Variants in CDH18 observed in about 807,000 individuals in gnomAD.
The protein encoded by CDH18 is cadherin-18.
Under a neutral mutation model 67.9 loss-of-function variants are expected in CDH18, and 31 were observed. The ratio of observed to expected loss-of-function variants is 0.46; its 90% CI spans 0.34 to 0.62. The LOEUF (loss-of-function observed/expected upper bound fraction) is 0.62, where lower values mean the gene tolerates loss of function less well. CDH18 is among the 20% of genes least tolerant of loss of function. The probability of loss-of-function intolerance (pLI) is 0.01; values close to 1 mark genes in which losing one functional copy is unlikely to be tolerated. For synonymous variants in CDH18, 362 were observed against 347.2 expected (o/e 1.04, Z -0.48); for missense variants, 890 against 975.5 (o/e 0.91, Z 1.17).
intron 2 of CDH18, among the ~76,000 whole-genome samples, chr5:19,882,907 A>C (rs1255867507): frequency 1.3e-5 from 2 of 152,188 alleles, no homozygotes; most frequent in Non-Finnish European, 2.9e-5. Context: ...CTTTGGATGC[A>C]TTTTTGTTAT....
chr5:19,638,984 T>G (rs1580643101), intron 5 of CDH18, among the ~76,000 whole-genome samples: 1 of 77,508 alleles, frequency 1.3e-5, no homozygotes, highest in African/African-American at 5.4e-5. Flanking sequence ...GCTGTTTTTT[T>G]TTTTTTTTTT....
chr5:19,536,355 C>A (rs531965603), intron 9 of CDH18, among the ~76,000 whole-genome samples: 2 of 152,046 alleles, frequency 1.3e-5, no homozygotes, highest in Non-Finnish European at 2.9e-5. Context: ...GAAAGCAGAG[C>A]AAAATGAAAA....
intron 10 of CDH18, among the ~76,000 whole-genome samples, chr5:19,512,305 A>G (rs1433025230): frequency 6.6e-6 from 1 of 152,192 alleles, no homozygotes; most frequent in Non-Finnish European, 1.5e-5. Context: ...TAAAATTATA[A>G]TTAGTCCGAA....
intron 2 of CDH18, among the ~76,000 whole-genome samples, chr5:19,963,527 C>T (rs987689365): frequency 5.3e-5 from 8 of 151,898 alleles, no homozygotes; most frequent in South Asian, 2.1e-4. Context: ...AGTGAGTTCT[C>T]GTGAGATCTG....
At chr5:19,635,214 T>C (rs757760898) in intron 5 of CDH18, among the ~76,000 whole-genome samples, 1 of 152,176 alleles carries the variant, frequency 6.6e-6, no homozygotes, top group Admixed American at 6.5e-5. Context: ...AGAAAGAATA[T>C]GTATACCATG....
At chr5:20,147,554 C>T (rs374531739) in intron 2 of CDH18, among the ~76,000 whole-genome samples, 25 of 152,060 alleles carry the variant, frequency 1.6e-4, no homozygotes, top group East Asian at 7.7e-4. Context: ...TGGAACAGTC[C>T]GTACACAATG....
intron 1 of CDH18, among the ~76,000 whole-genome samples, chr5:20,520,248 T>C (rs1755664815): frequency 6.6e-6 from 1 of 152,042 alleles, no homozygotes; most frequent in South Asian, 2.1e-4. Flanking sequence ...TTCAGAGAAA[T>C]GTTTCTATAA....
At chr5:19,760,016 C>T (rs565524155) in intron 3 of CDH18, among the ~76,000 whole-genome samples, 263 of 152,214 alleles carry the variant, frequency 1.7e-3, no homozygotes, top group Non-Finnish European at 3.2e-3. Context: ...AATTTCACTT[C>T]TAGGGACACA....
chr5:19,667,989 A>G (rs11953649), intron 5 of CDH18, among the ~76,000 whole-genome samples: 1 of 152,006 alleles, frequency 6.6e-6, no homozygotes, highest in Non-Finnish European at 1.5e-5. Flanking sequence ...ATTTAGTTTA[A>G]CCAATAATAA....
rs1770047883 is a variant in CDH18, at chr5:19,746,753, C to A, written c.523+189G>T. ...CACTTACATGATTAGAAATCAATTT[C>A]AATGAATATAATTGCTAGACCCAAT... On this transcript the variant is annotated intron_variant, in intron 4 of 12. Coordinates refer to ENST00000382275, the MANE Select transcript of CDH18 (RefSeq NM_004934.5). Among the ~76,000 whole-genome samples the A allele has an allele frequency of 3.9e-5, 6 of 152,094 alleles. No homozygotes were observed. The South Asian group carries it at 1.2e-3, about 32-fold the overall frequency.
chr5:20,413,041 T>A (rs1209263694), intron 1 of CDH18, among the ~76,000 whole-genome samples: 1 of 152,178 alleles, frequency 6.6e-6, no homozygotes, highest in African/African-American at 2.4e-5. Context: ...AATTCCCACC[T>A]TTGAGTAAGA....
Position 19,962,378 on chromosome 5 carries a change from C to CAAAAAAAAAAAAAAAAAA in CDH18, c.-257+18664_-257+18681dup, listed in dbSNP as rs3065078. Among the ~76,000 whole-genome samples, 94 of 51,546 alleles carry CAAAAAAAAAAAAAAAAAA rather than the reference C, an allele frequency of 1.8e-3. 3 individuals carry two copies. The highest frequency in any genetic ancestry group is 3.6e-3 in the South Asian group (4 of 1,096). 33.8% of individuals were successfully genotyped at this position (51,546 alleles called of 152,430 possible). Reference sequence around the variant, plus strand: ...AATTTAGAGAATAAACGTCAAAAAGCAAAAAAAAAAAAAAAAAAGAAAATT... The same window carrying CAAAAAAAAAAAAAAAAAA: ...AATTTAGAGAATAAACGTCAAAAAGCAAAAAAAAAAAAAAAAAAAAAAAAAAAAAAAAAAAAGAAAATT... On this transcript the variant is annotated intron_variant, in intron 2 of 12. Transcript: ENST00000382275.
At chr5:20,326,248 C>T (rs576858957) in intron 1 of CDH18, among the ~76,000 whole-genome samples, 2 of 152,176 alleles carry the variant, frequency 1.3e-5, no homozygotes, top group African/African-American at 2.4e-5. Context: ...ACCAATGACT[C>T]TAATGTGCAA....
intron 1 of CDH18, among the ~76,000 whole-genome samples, chr5:20,560,258 C>G (rs1201507131): frequency 2.6e-5 from 4 of 152,118 alleles, no homozygotes; most frequent in Non-Finnish European, 4.4e-5. Context: ...TTTAAACAGT[C>G]ATGGAGAGTG....
At chr5:19,861,555 T>A (rs1255712667) in intron 2 of CDH18, among the ~76,000 whole-genome samples, 1 of 152,030 alleles carries the variant, frequency 6.6e-6, no homozygotes, top group African/African-American at 2.4e-5. Flanking sequence ...TTGTTGAGAA[T>A]AAAGAGGGAC....
intron 6 of CDH18, among the ~76,000 whole-genome samples, chr5:19,606,102 C>T (rs1052129639): frequency 7.2e-5 from 11 of 151,964 alleles, no homozygotes; most frequent in African/African-American, 1.2e-4. Flanking sequence ...AAGAAAGATC[C>T]GGATTCCAGG....
chr5:20,134,065 G>A (rs757231339), intron 2 of CDH18, among the ~76,000 whole-genome samples: 1 of 152,054 alleles, frequency 6.6e-6, no homozygotes, highest in Non-Finnish European at 1.5e-5. Context: ...TGCCTGCTGG[G>A]TTCAAGTGAT....
chr5:19,626,140 C>T (rs1402435), intron 5 of CDH18, among the ~76,000 whole-genome samples: 99,830 of 151,892 alleles, frequency 0.66, 33,156 homozygotes, highest in South Asian at 0.77. Context: ...CTTCAATATA[C>T]GACTTTTTCA....
chr5:20,457,172 T>C (rs1750891723), intron 1 of CDH18, among the ~76,000 whole-genome samples: 1 of 152,166 alleles, frequency 6.6e-6, no homozygotes, highest in Non-Finnish European at 1.5e-5. Flanking sequence ...GTCAAACTAT[T>C]GAAACGGTGT....
Sources: gnomAD v4.1 joint callset for allele counts (sites outside exome capture counted in the v4.1 genomes callset) on GRCh38, gnomAD v4.1.1 for gene constraint, MANE v1.5 for transcripts, NCBI Gene and HGNC (gene_info 2026-07-23, HGNC 2026-07-21) for gene names.